Variants in DOCK2 observed in about 807,000 individuals in gnomAD.
The protein encoded by DOCK2 is dedicator of cytokinesis protein 2.
A neutral mutation model predicts 248.9 loss-of-function variants in DOCK2; 87 were observed. That is an observed-to-expected ratio of 0.35 (90% CI 0.29 to 0.42). The LOEUF is 0.42. DOCK2 is among the 10% of genes least tolerant of loss of function. The pLI is 1.00. For missense variants in DOCK2, 1,747 were observed against 2,300.2 expected (o/e 0.76, Z 4.92); for synonymous variants, 805 against 821.6 (o/e 0.98, Z 0.35).
At chr5:169,902,341 C>T (rs1468279575) in intron 27 of DOCK2, among the ~76,000 whole-genome samples, 3 of 152,172 alleles carry the variant, frequency 2.0e-5, no homozygotes. Context: ...TTATATGATC[C>T]TCATGTTCCC....
chr5:170,011,449 A>C lies in DOCK2; in HGVS notation c.3232+2703A>C, dbSNP rs146339221. On this transcript the variant is annotated intron_variant, in intron 32 of 51. Transcript: ENST00000520908. ...AAAAACCTGTAGGATGAATTAATGCAATTAAAAGATACATCTGTCAGGGGT... is the reference window on the plus strand; with the variant it reads ...AAAAACCTGTAGGATGAATTAATGCCATTAAAAGATACATCTGTCAGGGGT... Among the ~76,000 whole-genome samples, 68 of 151,078 alleles carry C rather than the reference A, an allele frequency of 4.5e-4. No homozygotes were observed. In the South Asian group the frequency reaches 9.5e-3, roughly 21 times the overall value.
chr5:170,081,830 C>T lies in DOCK2; in HGVS notation c.5288-12C>T, dbSNP rs767428884. On this transcript the variant is annotated splice_polypyrimidine_tract_variant and intron_variant, in intron 50 of 51. Coordinates refer to ENST00000520908, the MANE Select transcript of DOCK2 (RefSeq NM_004946.3). The stretch of plus-strand genomic sequence containing the variant: ...CCCACCCATTCACACCCCAGCTCTG[C>T]TCTCCTTCCAGCCCTGGCGCTCTCA... The T allele has an allele frequency of 1.2e-6, 2 of 1,609,106 alleles. No individual in the cohort carries two copies. Among genetic ancestry groups the T allele is most frequent in the Non-Finnish European group, 1.7e-6 (2 of 1,178,250 alleles).
intron 27 of DOCK2, among the ~76,000 whole-genome samples, chr5:169,880,989 G>A (rs1270452143): frequency 1.3e-5 from 2 of 152,206 alleles, no homozygotes; most frequent in Non-Finnish European, 1.5e-5. Flanking sequence ...TAAGATCACA[G>A]GTTTGGGATT....
intron 22 of DOCK2, among the ~76,000 whole-genome samples, chr5:169,744,006 T>C (rs1763470426): frequency 6.6e-6 from 1 of 151,778 alleles, no homozygotes; most frequent in African/African-American, 2.4e-5. Context: ...CTTAGGCAGG[T>C]GCAGGATATA....
intron 27 of DOCK2, among the ~76,000 whole-genome samples, chr5:169,931,602 T>C (rs776858500): frequency 2.0e-5 from 3 of 152,248 alleles, no homozygotes; most frequent in Non-Finnish European, 2.9e-5. Flanking sequence ...TGTTTGACTT[T>C]GGCAAACTGA....
chr5:169,865,922 A>G (rs1478357758), intron 27 of DOCK2, among the ~76,000 whole-genome samples: 1 of 152,256 alleles, frequency 6.6e-6, no homozygotes, highest in Non-Finnish European at 1.5e-5. Context: ...ACCCGAGTTC[A>G]TGCTGCTGCA....
chr5:169,854,128 C>T (rs1235060073), intron 27 of DOCK2, among the ~76,000 whole-genome samples: 1 of 151,480 alleles, frequency 6.6e-6, no homozygotes, highest in Middle Eastern at 3.4e-3. Flanking sequence ...CAGCCAAAAA[C>T]AACTTTGACA....
intron 36 of DOCK2, 140 bp downstream of exon 36, chr5:170,036,695 C>A: frequency 2.6e-6 from 2 of 778,024 alleles, no homozygotes; most frequent in Non-Finnish European, 4.0e-6. Context: ...TGATTCCTGT[C>A]AATTTCTCCA....
At chr5:170,044,342 G>A (rs1025565675) in intron 38 of DOCK2, among the ~76,000 whole-genome samples, 7 of 152,102 alleles carry the variant, frequency 4.6e-5, no homozygotes, top group South Asian at 2.1e-4. Context: ...AGAACCCACC[G>A]TGTGCTTAGT....
intron 34 of DOCK2, among the ~76,000 whole-genome samples, chr5:170,030,363 C>G (rs973713859): frequency 6.6e-6 from 1 of 152,112 alleles, no homozygotes; most frequent in Non-Finnish European, 1.5e-5. Context: ...ATCCATGGGG[C>G]CCCTGTGCCT....
intron 1 of DOCK2, among the ~76,000 whole-genome samples, chr5:169,647,760 C>T (rs1757551692): frequency 6.6e-6 from 1 of 152,200 alleles, no homozygotes; most frequent in African/African-American, 2.4e-5. Context: ...CTCCCTCTCC[C>T]TCCAGTCTCA....
chr5:169,902,831 GGC>G (rs1186275216), intron 27 of DOCK2, among the ~76,000 whole-genome samples: 1 of 152,206 alleles, frequency 6.6e-6, no homozygotes, highest in Non-Finnish European at 1.5e-5. Context: ...CAGGCGTGGT[GGC>G]TCACGCCTGT....
intron 22 of DOCK2, among the ~76,000 whole-genome samples, chr5:169,721,263 C>T (rs1450304847): frequency 2.0e-5 from 3 of 152,220 alleles, no homozygotes; most frequent in Admixed American, 1.3e-4. Context: ...AGCAGCACAT[C>T]ACTGACATTT....
intron 25 of DOCK2, among the ~76,000 whole-genome samples, chr5:169,794,909 C>G (rs539012962): frequency 6.6e-6 from 1 of 152,106 alleles, no homozygotes; most frequent in African/African-American, 2.4e-5. Flanking sequence ...GGTGACAGTG[C>G]GAGACTCTGT....
chr5:169,880,812 C>T (rs987335355), intron 27 of DOCK2, among the ~76,000 whole-genome samples: 3 of 152,128 alleles, frequency 2.0e-5, no homozygotes, highest in African/African-American at 7.2e-5. Context: ...ATCATGTTTC[C>T]CTTTTGTCAC....
intron 27 of DOCK2, among the ~76,000 whole-genome samples, chr5:169,928,012 A>G (rs564175496): frequency 6.6e-6 from 1 of 152,262 alleles, no homozygotes; most frequent in South Asian, 2.1e-4. Context: ...TCACAGATCC[A>G]TGTGTGTGTA....
intron 27 of DOCK2, among the ~76,000 whole-genome samples, chr5:169,904,091 C>CAAAAAA (rs57983281): frequency 1.4e-5 from 1 of 70,370 alleles, no homozygotes; most frequent in Admixed American, 1.7e-4. Context: ...GACTTCGTCT[C>CAAAAAA]AAAAAAAAAA....
intron 26 of DOCK2, among the ~76,000 whole-genome samples, chr5:169,804,485 T>TGCGC (rs1479245337): frequency 0.01 from 707 of 68,074 alleles, 6 homozygotes; most frequent in Middle Eastern, 0.053. Context: ...TGTGTGTGTG[T>TGCGC]GCGCGCGCGC....
At chr5:169,909,839 T>C (rs560471518) in intron 27 of DOCK2, among the ~76,000 whole-genome samples, 15 of 152,318 alleles carry the variant, frequency 9.8e-5, no homozygotes, top group African/African-American at 3.4e-4. Context: ...AGATAAACAG[T>C]GGGAAAATCA....
Sources: gnomAD v4.1 joint callset for allele counts (sites outside exome capture counted in the v4.1 genomes callset) on GRCh38, gnomAD v4.1.1 for gene constraint, MANE v1.5 for transcripts, NCBI Gene and HGNC (gene_info 2026-07-23, HGNC 2026-07-21) for gene names.